Variants in MORC1 observed in about 807,000 individuals in gnomAD.
MORC1 encodes MORC family CW-type zinc finger 1, also known as MORC family CW-type zinc finger protein 1.
In MORC1, 59 loss-of-function variants were observed where a neutral mutation model predicts 134.9. The ratio of observed to expected loss-of-function variants is 0.44; its 90% CI spans 0.35 to 0.54. The LOEUF (loss-of-function observed/expected upper bound fraction) is 0.54, where lower values mean the gene tolerates loss of function less well. Among genes scored for constraint, MORC1 ranks in the 20% least tolerant of loss-of-function variants. MORC1 has a pLI of 0.00. For synonymous variants in MORC1, 395 were observed against 391.7 expected, an observed-to-expected ratio of 1.01 and a Z score of -0.10; for missense variants, 947 against 1,134.5, an observed-to-expected ratio of 0.83 and a Z score of 2.37.
intron 11 of MORC1, 47 bp downstream of exon 11, chr3:109,061,941 T>C (rs751286199): frequency 1.9e-6 from 3 of 1,547,310 alleles, no homozygotes; most frequent in South Asian, 1.1e-5. Context: ...AAAAAGCAAA[T>C]GACACAATTT....
intron 16 of MORC1, among the ~76,000 whole-genome samples, chr3:109,032,514 T>G (rs924494501): frequency 1.3e-5 from 2 of 152,136 alleles, no homozygotes; most frequent in Non-Finnish European, 2.9e-5. Flanking sequence ...CGTCTTCAGA[T>G]AGTTACACCC....
chr3:109,078,481 T>C (rs534985260), intron 8 of MORC1, among the ~76,000 whole-genome samples: 18 of 152,112 alleles, frequency 1.2e-4, no homozygotes, highest in Admixed American at 2.0e-4. Flanking sequence ...AATAAAATTA[T>C]AAGCTATTTA....
intron 8 of MORC1, among the ~76,000 whole-genome samples, chr3:109,080,398 C>T (rs1464317192): frequency 6.6e-6 from 1 of 152,154 alleles, no homozygotes; most frequent in Non-Finnish European, 1.5e-5. Flanking sequence ...ATTCAATTAC[C>T]TCCCACCAGG....
chr3:109,063,390 C>T (rs1274395420), intron 9 of MORC1, among the ~76,000 whole-genome samples, 159 bp from the exon 10 acceptor site: 7 of 152,006 alleles, frequency 4.6e-5, no homozygotes, highest in Admixed American at 4.6e-4. Flanking sequence ...AAACTTTATA[C>T]CTAAGTGAAT....
chr3:109,010,743 T>A (rs1192479938), intron 17 of MORC1, among the ~76,000 whole-genome samples: 1 of 152,224 alleles, frequency 6.6e-6, no homozygotes, highest in Non-Finnish European at 1.5e-5. Context: ...TGGAGTTTTA[T>A]ATTAAGTGAA....
chr3:108,984,913 T>G, intron 22 of MORC1, 131 bp from the exon 23 acceptor site: 2 of 634,308 alleles, frequency 3.2e-6, no homozygotes, highest in Non-Finnish European at 5.3e-6. Flanking sequence ...TTTATAAAAC[T>G]GTACCAGTTG....
chr3:109,044,537 A>C (rs1949640166), intron 14 of MORC1, among the ~76,000 whole-genome samples: 1 of 147,510 alleles, frequency 6.8e-6, no homozygotes, highest in South Asian at 2.3e-4. Flanking sequence ...CAGCCTGGGC[A>C]ACAGAGCGAG....
intron 26 of MORC1, among the ~76,000 whole-genome samples, chr3:108,967,790 T>C (rs2593938): frequency 0.36 from 54,090 of 151,730 alleles, 10,175 homozygotes; most frequent in Middle Eastern, 0.5. Context: ...GAGTTCAAGA[T>C]CAGCCTGGGC....
At chr3:109,078,984 A>G (rs1311307154) in intron 8 of MORC1, among the ~76,000 whole-genome samples, 1 of 152,006 alleles carries the variant, frequency 6.6e-6, no homozygotes, top group African/African-American at 2.4e-5. Flanking sequence ...ATTAAAAAGT[A>G]ATAAAAGAAA....
chr3:109,064,167 G>C (rs1950145282), intron 9 of MORC1, among the ~76,000 whole-genome samples: 1 of 152,002 alleles, frequency 6.6e-6, no homozygotes. Flanking sequence ...ATAATGTATA[G>C]AAAACAATCT....
intron 14 of MORC1, among the ~76,000 whole-genome samples, chr3:109,038,919 A>G (rs1431410222): frequency 3.3e-5 from 5 of 152,012 alleles, no homozygotes; most frequent in Non-Finnish European, 7.4e-5. Context: ...TTGGCTATAC[A>G]GGCTCTTTTT....
intron 4 of MORC1, chr3:109,101,682 T>C (rs1284145705): frequency 1.3e-5 from 2 of 152,242 alleles, no homozygotes; most frequent in Non-Finnish European, 2.9e-5. Context: ...CTAACACTTA[T>C]TGATTGTTTA....
At chr3:108,996,245 T>C (rs1478383597) in intron 21 of MORC1, among the ~76,000 whole-genome samples, 1 of 140,384 alleles carries the variant, frequency 7.1e-6, no homozygotes, top group Non-Finnish European at 1.6e-5. Flanking sequence ...GCTACCACAA[T>C]ACACATGCCT....
chr3:108,972,423 CT>C (rs1293304487), intron 24 of MORC1, among the ~76,000 whole-genome samples: 1 of 152,098 alleles, frequency 6.6e-6, no homozygotes, highest in Non-Finnish European at 1.5e-5. Flanking sequence ...ATTCCCCATA[CT>C]TTAAGTATAT....
At chr3:109,081,102 A>C (rs1226179344) in intron 8 of MORC1, among the ~76,000 whole-genome samples, 24 of 152,194 alleles carry the variant, frequency 1.6e-4, no homozygotes, top group South Asian at 4.1e-4. Context: ...TCTTAGAGTA[A>C]ATTATAAGAG....
chr3:109,107,617 T>G (rs1448041280), intron 3 of MORC1, among the ~76,000 whole-genome samples: 1 of 152,196 alleles, frequency 6.6e-6, no homozygotes, highest in Non-Finnish European at 1.5e-5. Context: ...TGACAGAAAT[T>G]TAAGATTGAC....
At chr3:109,022,295 T>C (rs115305441) in intron 17 of MORC1, among the ~76,000 whole-genome samples, 40 of 152,292 alleles carry the variant, frequency 2.6e-4, no homozygotes, top group African/African-American at 8.4e-4. Context: ...TTAAAAAGAT[T>C]AAGTTCTACA....
At chr3:109,095,965 T>G (rs1950824440) in intron 6 of MORC1, among the ~76,000 whole-genome samples, 4 of 152,136 alleles carry the variant, frequency 2.6e-5, no homozygotes, top group Admixed American at 2.0e-4. Context: ...AACGGCCATC[T>G]AAGAAAAGCC....
At chr3:109,040,829 CA>C (rs59122147) in intron 14 of MORC1, among the ~76,000 whole-genome samples, 15,093 of 106,678 alleles carry the variant, frequency 0.14, 368 homozygotes, top group Middle Eastern at 0.2. Context: ...AACTCTGTGT[CA>C]AAAAAAAAAA....
Sources: allele counts gnomAD v4.1 joint callset (sites outside exome capture counted in the v4.1 genomes callset), GRCh38; gene constraint gnomAD v4.1.1; transcripts MANE v1.5; gene names NCBI Gene and HGNC (gene_info 2026-07-23, HGNC 2026-07-21).